Variants in SSH2 observed in about 807,000 individuals in gnomAD.
The protein encoded by SSH2 is protein phosphatase Slingshot homolog 2.
In SSH2, 37 loss-of-function variants were observed where a neutral mutation model predicts 135.2. The ratio of observed to expected loss-of-function variants is 0.27; its 90% CI spans 0.21 to 0.36. SSH2 has a LOEUF of 0.36. Among genes scored for constraint, SSH2 ranks in the 10% least tolerant of loss-of-function variants. The pLI, the probability that SSH2 is intolerant of heterozygous loss-of-function variation, is 1.00. For missense variants in SSH2, 1,408 were observed against 1,765.3 expected (o/e 0.80, Z 3.63); for synonymous variants, 628 against 646.2 (o/e 0.97, Z 0.43).
At chr17:29,675,504 G>C (rs1396604788) in intron 8 of SSH2, among the ~76,000 whole-genome samples, 1 of 152,034 alleles carries the variant, frequency 6.6e-6, no homozygotes, top group East Asian at 1.9e-4. Flanking sequence ...TAAAATAAGA[G>C]AATAAGAGGC....
intron 1 of SSH2, chr17:29,866,114 AAAAAG>A (rs1198402034): frequency 1.3e-5 from 2 of 152,456 alleles, no homozygotes; most frequent in East Asian, 3.8e-4. Context: ...AAAAAAAAAA[AAAAAG>A]AAAGAAAAGA....
At chr17:29,902,050 G>A (rs1292423475) in intron 1 of SSH2, among the ~76,000 whole-genome samples, 1 of 152,040 alleles carries the variant, frequency 6.6e-6, no homozygotes, top group African/African-American at 2.4e-5. Context: ...GCCTTCCAAA[G>A]TGTTGGGATT....
chr17:29,631,634 C>A lies in SSH2; in HGVS notation c.3560G>T (p.Trp1187Leu). 5 of 1,614,182 alleles carry A rather than the reference C, an allele frequency of 3.1e-6. No homozygotes were observed. The highest frequency in any genetic ancestry group is 4.2e-6 in the Non-Finnish European group (5 of 1,180,036). Residue 1187 changes from tryptophan to leucine, a missense_variant, in exon 16 of 16, where the codon TGG becomes TTG. This residue lies in a region of SSH2 where 1,080 missense variants were observed against 1,144.5 expected (regional missense o/e 0.94). Coordinates refer to ENST00000540801, the MANE Select transcript of SSH2 (RefSeq NM_001282129.2). ...TDEPSAEQVS[W>L]EESQESPLSS... Reference sequence around the variant, plus strand: ...GAGAGGGCTCTCCTGACTTTCTTCCCAGCTAACCTGTTCTGCAGAGGGCTC... The same window carrying A: ...GAGAGGGCTCTCCTGACTTTCTTCCAAGCTAACCTGTTCTGCAGAGGGCTC...
chr17:29,674,117 C>T (rs1034721927), intron 8 of SSH2: 7 of 456,542 alleles, frequency 1.5e-5, no homozygotes, highest in African/African-American at 1.0e-4. Flanking sequence ...ATTCTTCCAC[C>T]AATAGTACAT....
chr17:29,703,842 G>A (rs2039090661), intron 3 of SSH2, among the ~76,000 whole-genome samples: 1 of 152,202 alleles, frequency 6.6e-6, no homozygotes, highest in South Asian at 2.1e-4. Flanking sequence ...GCCTCCCAAA[G>A]TGCTAGGACT....
At chr17:29,854,138 A>T (rs1330102174) in intron 1 of SSH2, among the ~76,000 whole-genome samples, 1 of 151,924 alleles carries the variant, frequency 6.6e-6, no homozygotes, top group Non-Finnish European at 1.5e-5. Context: ...AATTTTGCTT[A>T]TATCAAGTCT....
At chr17:29,722,222 C>T (rs188934426) in intron 3 of SSH2, among the ~76,000 whole-genome samples, 8 of 149,596 alleles carry the variant, frequency 5.3e-5, no homozygotes, top group East Asian at 2.0e-4. Context: ...TGTAGTGAGC[C>T]GAGATCGCGC....
intron 9 of SSH2, among the ~76,000 whole-genome samples, chr17:29,671,177 A>T (rs114895078): frequency 0.022 from 3,285 of 152,178 alleles, 97 homozygotes; most frequent in African/African-American, 0.072. Flanking sequence ...TTTAAAAAAA[A>T]TTTTTTAAGT....
At chr17:29,674,066 G>A in intron 8 of SSH2, 1 of 456,572 alleles carries the variant, frequency 2.2e-6, no homozygotes, top group Non-Finnish European at 4.4e-6. Context: ...AAATGATAAG[G>A]CATATTGGCA....
intron 3 of SSH2, among the ~76,000 whole-genome samples, chr17:29,737,994 T>C (rs2040427565): frequency 6.6e-6 from 1 of 152,198 alleles, no homozygotes; most frequent in Admixed American, 6.5e-5. Flanking sequence ...AGGTTACATA[T>C]GTATACATGT....
Position 29,893,966 on chromosome 17 carries a change from G to T in SSH2, c.63+35972C>A, listed in dbSNP as rs1049185384. Among the ~76,000 whole-genome samples, 3 of 151,946 alleles carry T rather than the reference G, an allele frequency of 2.0e-5. No individual in the cohort carries two copies. The East Asian group carries it at 5.8e-4, about 29-fold the overall frequency. On this transcript the variant is annotated intron_variant, in intron 1 of 15. Coordinates refer to ENST00000540801, the MANE Select transcript of SSH2 (RefSeq NM_001282129.2). The stretch of plus-strand genomic sequence containing the variant: ...ATTTTCCTTCATTAGTCTCCCAAAT[G>T]TCCCATTCCCCAAAAGTCTATCTTT...
In SSH2 at chr17:29,631,017, T is replaced by C. The variant is rs753993982; in HGVS notation, c.4177A>G (p.Thr1393Ala). 4 of 1,613,986 alleles carry C rather than the reference T, an allele frequency of 2.5e-6. No homozygotes were observed. The African/African-American group carries it at 4.0e-5, about 16-fold the overall frequency. ...YLLPRAGLEL[T>A]SSEGGLPVLQ... is the part of the protein sequence containing the mutation. The stretch of plus-strand genomic sequence containing the variant: ...ACGGGAAGGCCTCCTTCAGAACTAG[T>C]CAATTCAAGTCCTGCCCTGGGGAGC... Residue 1393 changes from threonine to alanine, a missense_variant, in exon 16 of 16, where the codon ACT becomes GCT. Around this residue, in one of 3 missense-constraint regions of SSH2, gnomAD observed 1,080 missense variants for 1,144.5 expected, o/e 0.94. Transcript: ENST00000540801.
At chr17:29,778,643 A>AAAAT (rs199810148) in intron 3 of SSH2, among the ~76,000 whole-genome samples, 6 of 138,506 alleles carry the variant, frequency 4.3e-5, no homozygotes, top group South Asian at 4.6e-4. Flanking sequence ...TCTGTCTAAA[A>AAAAT]AAATAAATAA....
intron 2 of SSH2, among the ~76,000 whole-genome samples, chr17:29,830,128 C>T (rs926590043): frequency 6.6e-6 from 1 of 152,018 alleles, no homozygotes; most frequent in Non-Finnish European, 1.5e-5. Context: ...TGTGAGCCAC[C>T]GCACCTAGCC....
chr17:29,813,556 G>A (rs1406919048), intron 2 of SSH2, among the ~76,000 whole-genome samples: 1 of 152,220 alleles, frequency 6.6e-6, no homozygotes, highest in South Asian at 2.1e-4. Context: ...GGTGGCTCAC[G>A]CCTGTAATCC....
intron 4 of SSH2, among the ~76,000 whole-genome samples, chr17:29,696,172 T>TACACACACAC (rs1202149185): frequency 6.9e-5 from 8 of 116,636 alleles, no homozygotes; most frequent in African/African-American, 2.5e-4. Flanking sequence ...TATGTATATA[T>TACACACACAC]ATACACACAC....
chr17:29,716,088 G>T (rs2039611828), intron 3 of SSH2, among the ~76,000 whole-genome samples: 1 of 152,078 alleles, frequency 6.6e-6, no homozygotes, highest in African/African-American at 2.4e-5. Context: ...TCTCCAATCT[G>T]AGAGAATGAT....
intron 9 of SSH2, among the ~76,000 whole-genome samples, chr17:29,668,846 G>A (rs531254821): frequency 6.6e-6 from 1 of 152,282 alleles, no homozygotes; most frequent in East Asian, 1.9e-4. Context: ...TTGAGGCAGA[G>A]TGGTTGGGGA....
intron 1 of SSH2, among the ~76,000 whole-genome samples, chr17:29,880,134 T>C (rs1599134187): frequency 1.3e-5 from 2 of 152,178 alleles, no homozygotes; most frequent in Non-Finnish European, 2.9e-5. Flanking sequence ...GAGTGCCTAC[T>C]ACATGTTTGG....
Sources: gnomAD v4.1 joint callset for allele counts (sites outside exome capture counted in the v4.1 genomes callset) on GRCh38, gnomAD v4.1.1 for gene constraint, gnomAD v4.1.1 regional missense constraint, MANE v1.5 for transcripts, NCBI Gene and HGNC (gene_info 2026-07-23, HGNC 2026-07-21) for gene names.